The following SORCS3 variants were observed in gnomAD, a reference collection of about 807,000 sequenced individuals.
The protein encoded by SORCS3 is sortilin related VPS10 domain containing receptor 3, also known as VPS10 domain-containing receptor SorCS3.
Under a neutral mutation model 146.3 loss-of-function variants are expected in SORCS3, and 57 were observed. That is an observed-to-expected ratio of 0.39 (90% CI 0.31 to 0.49). The LOEUF (loss-of-function observed/expected upper bound fraction) is 0.49, where lower values mean the gene tolerates loss of function less well. Ranked by LOEUF, SORCS3 falls within the 20% of genes least tolerant of loss-of-function variation. The pLI is 0.92. For synonymous variants in SORCS3, 653 were observed against 618.5 expected, an observed-to-expected ratio of 1.06 and a Z score of -0.83; for missense variants, 1,341 against 1,575.5, an observed-to-expected ratio of 0.85 and a Z score of 2.52.
intron 3 of SORCS3, among the ~76,000 whole-genome samples, chr10:104,943,648 C>G (rs73342180): frequency 6.6e-6 from 1 of 152,026 alleles, no homozygotes; most frequent in African/African-American, 2.4e-5. Context: ...CCCCCACTCT[C>G]ATCTATTGAT....
In SORCS3 at chr10:104,956,906, G is replaced by A. The variant is rs575607381; in HGVS notation, c.796-20429G>A. Among the ~76,000 whole-genome samples the A allele has an allele frequency of 5.8e-4, 89 of 152,230 alleles. 1 individual carries two copies. The South Asian group carries it at 0.019, about 32-fold the overall frequency. On this transcript the variant is annotated intron_variant, in intron 3 of 26. Transcript: ENST00000369701. ...CACAGACACCAAAATGAATACCCTG[G>A]AGCTATAGTGAGTGTGGCTGGGATC...
intron 1 of SORCS3, among the ~76,000 whole-genome samples, chr10:104,744,739 A>G (rs2016887756): frequency 1.3e-5 from 2 of 152,190 alleles, no homozygotes; most frequent in African/African-American, 4.8e-5. Context: ...CACGAACACT[A>G]AGAAGTAAAG....
At chr10:105,110,080 A>G (rs1033121319) in intron 7 of SORCS3, among the ~76,000 whole-genome samples, 4 of 149,438 alleles carry the variant, frequency 2.7e-5, no homozygotes, top group African/African-American at 4.9e-5. Context: ...ACCCTTTTTT[A>G]CTCCCTGAGC....
chr10:105,259,314 T>C (rs1207100985), intron 25 of SORCS3, among the ~76,000 whole-genome samples: 9 of 152,228 alleles, frequency 5.9e-5, no homozygotes, highest in Admixed American at 5.9e-4. Context: ...TCTGTTTCTG[T>C]GTCCAGATCA....
At chr10:104,884,058 C>G (rs12357865) in intron 2 of SORCS3, among the ~76,000 whole-genome samples, 12,944 of 151,994 alleles carry the variant, frequency 0.085, 735 homozygotes, top group South Asian at 0.25. Flanking sequence ...CCAGGGCAGG[C>G]AATAGAGAAG....
intron 3 of SORCS3, among the ~76,000 whole-genome samples, chr10:104,926,116 C>G (rs1241559280): frequency 6.6e-6 from 1 of 152,178 alleles, no homozygotes; most frequent in East Asian, 1.9e-4. Context: ...TGTGAGCTGC[C>G]TGCTTTCAGG....
intron 2 of SORCS3, among the ~76,000 whole-genome samples, chr10:104,867,194 CT>C (rs1415059776): frequency 1.3e-5 from 1 of 74,796 alleles, no homozygotes; most frequent in Non-Finnish European, 2.4e-5. Context: ...ACTGGGTGGG[CT>C]TGGGAGAGGA....
In SORCS3 at chr10:105,201,193, G is replaced by A. The variant is rs750729533; in HGVS notation, c.2201G>A (p.Arg734Gln). Residue 734 changes from arginine to glutamine, a missense_variant, in exon 16 of 27, where the codon CGA becomes CAA. Arg to Gln is a conservative substitution (Grantham distance 43). Transcript: ENST00000369701. ...CCAGGAGCTCAGTGTGCCCTGGGCCGAGACCACTCAGGATCAGTGGTCTCA... is the reference window on the plus strand; with the variant it reads ...CCAGGAGCTCAGTGTGCCCTGGGCCAAGACCACTCAGGATCAGTGGTCTCA... ...RKPGAQCALG[R>Q]DHSGSVVSEP... is the part of the protein sequence containing the mutation. 1.4e-5 allele frequency: 23 copies of A among 1,611,800 alleles called. No individual in the cohort carries two copies. The highest frequency in any genetic ancestry group is 1.6e-4 in the Middle Eastern group (1 of 6,072).
intron 14 of SORCS3, among the ~76,000 whole-genome samples, chr10:105,192,455 G>T (rs932074659): frequency 6.6e-6 from 1 of 152,068 alleles, no homozygotes; most frequent in Non-Finnish European, 1.5e-5. Flanking sequence ...AGAAACTCAG[G>T]AAGGGGCTGG....
intron 5 of SORCS3, among the ~76,000 whole-genome samples, chr10:105,058,929 A>C (rs969421300): frequency 6.6e-6 from 1 of 152,196 alleles, no homozygotes; most frequent in African/African-American, 2.4e-5. Flanking sequence ...CATCATATAC[A>C]TGTAAAAATT....
intron 1 of SORCS3, among the ~76,000 whole-genome samples, chr10:104,784,267 A>G (rs917296229): frequency 6.6e-6 from 1 of 152,138 alleles, no homozygotes; most frequent in African/African-American, 2.4e-5. Flanking sequence ...GGTGGTCACA[A>G]CTTGGTGGTG....
chr10:104,810,990 G>C (rs1367259160), intron 1 of SORCS3, among the ~76,000 whole-genome samples: 1 of 152,130 alleles, frequency 6.6e-6, no homozygotes, highest in Admixed American at 6.5e-5. Flanking sequence ...GAATTGTACT[G>C]TATGTAAATT....
chr10:104,856,031 C>T lies in SORCS3; in HGVS notation c.695+13172C>T, dbSNP rs2018327438. Among the ~76,000 whole-genome samples the T allele has an allele frequency of 2.6e-5, 4 of 152,148 alleles. No individual in the cohort carries two copies. The South Asian group carries it at 8.3e-4, about 31-fold the overall frequency. ...GGGATTACAGGCATGAGCCACCATG[C>T]CCAGCCATGCTTTTGAATGTTTATT... On this transcript the variant is annotated intron_variant, in intron 2 of 26. Coordinates refer to ENST00000369701, the MANE Select transcript of SORCS3 (RefSeq NM_014978.3).
At chr10:105,241,890 A>G (rs1262699519) in intron 20 of SORCS3, among the ~76,000 whole-genome samples, 1 of 152,178 alleles carries the variant, frequency 6.6e-6, no homozygotes, top group Non-Finnish European at 1.5e-5. Context: ...GTAGAAAACC[A>G]ACTAGGAAAG....
intron 5 of SORCS3, among the ~76,000 whole-genome samples, chr10:105,043,852 A>G (rs1459143749): frequency 3.3e-5 from 5 of 152,294 alleles, no homozygotes; most frequent in Middle Eastern, 3.4e-3. Context: ...CCTCCTAATC[A>G]GGAAGTGTTT....
At chr10:105,153,424 T>C (rs572417632) in intron 9 of SORCS3, among the ~76,000 whole-genome samples, 4 of 152,360 alleles carry the variant, frequency 2.6e-5, no homozygotes, top group Non-Finnish European at 4.4e-5. Flanking sequence ...AAACATTCTC[T>C]TGACCATAAA....
intron 7 of SORCS3, among the ~76,000 whole-genome samples, chr10:105,138,291 C>G (rs973533547): frequency 2.0e-5 from 3 of 152,218 alleles, no homozygotes; most frequent in South Asian, 4.1e-4. Flanking sequence ...CTGTGCAGAG[C>G]AAGGGGTAGC....
chr10:104,910,640 G>T (rs1160746619), intron 2 of SORCS3, among the ~76,000 whole-genome samples: 1 of 152,220 alleles, frequency 6.6e-6, no homozygotes, highest in Non-Finnish European at 1.5e-5. Flanking sequence ...GTTATGTGTT[G>T]TTTATGCACA....
intron 5 of SORCS3, among the ~76,000 whole-genome samples, chr10:105,065,535 T>C (rs576442298): frequency 2.6e-5 from 4 of 152,092 alleles, no homozygotes; most frequent in Non-Finnish European, 4.4e-5. Context: ...TAGAAACTTC[T>C]AGATCAGCAT....
Sources: gnomAD v4.1 joint callset for allele counts (sites outside exome capture counted in the v4.1 genomes callset) on GRCh38, gnomAD v4.1.1 for gene constraint, MANE v1.5 for transcripts, NCBI Gene and HGNC (gene_info 2026-07-23, HGNC 2026-07-21) for gene names.